TMPRSS15: variants seen among roughly 807,000 people sequenced by gnomAD.
TMPRSS15 encodes the protein transmembrane serine protease 15.
In TMPRSS15, 128 loss-of-function variants were observed where a neutral mutation model predicts 125.3. That is an observed-to-expected ratio of 1.02 (90% confidence interval 0.89 to 1.18). The LOEUF (loss-of-function observed/expected upper bound fraction) is 1.18, where lower values mean the gene tolerates loss of function less well. Ranked by LOEUF, TMPRSS15 falls within the 50% of genes most tolerant of loss-of-function variation. The pLI is 0.00. For missense variants in TMPRSS15, 1,283 were observed against 1,212.7 expected (o/e 1.06, Z -0.86); for synonymous variants, 446 against 423.2 (o/e 1.05, Z -0.66).
rs2074532669 is a variant in TMPRSS15 at position 18,269,870 on chromosome 21, G to A, written c.*99C>T. 3 of 1,470,408 alleles carry A rather than the reference G, an allele frequency of 2.0e-6. No individual in the cohort carries two copies. Among genetic ancestry groups the A allele is most frequent in the Middle Eastern group, 1.8e-4 (1 of 5,458 alleles). The allele number at this position is 1,470,408 out of a possible 1,614,324, so 91.1% of individuals were successfully genotyped here. A position where few individuals can be genotyped will look rare whatever the true frequency, so the allele number is the denominator to read the frequency against. On this transcript the variant is annotated 3_prime_UTR_variant, in exon 25 of 25. Transcript: ENST00000284885. Reference sequence around the variant, plus strand: ...ACATAGGTAAGAATAAAAACCTTTGGTAACTTTTTAAAATTTTTGTACGAA... The same window carrying A: ...ACATAGGTAAGAATAAAAACCTTTGATAACTTTTTAAAATTTTTGTACGAA...
intron 6 of TMPRSS15, among the ~76,000 whole-genome samples, chr21:18,365,528 C>A (rs931395707): frequency 6.9e-6 from 1 of 144,750 alleles, no homozygotes; most frequent in South Asian, 2.3e-4. Context: ...TCCCTCCCTC[C>A]CTCCCTTCCT....
chr21:18,378,941 T>C (rs1444815707), intron 5 of TMPRSS15, among the ~76,000 whole-genome samples: 1 of 151,910 alleles, frequency 6.6e-6, no homozygotes, highest in Admixed American at 6.6e-5. Flanking sequence ...GAGATAATAA[T>C]CAAAGGAAAA....
chr21:18,401,835 A>G (rs2076097075), intron 1 of TMPRSS15, among the ~76,000 whole-genome samples: 1 of 152,224 alleles, frequency 6.6e-6, no homozygotes, highest in African/African-American at 2.4e-5. Flanking sequence ...TCACTGTTAA[A>G]CAGTATTATC....
intron 1 of TMPRSS15, among the ~76,000 whole-genome samples, chr21:18,447,097 ATAAT>A (rs912381136): frequency 8.5e-5 from 13 of 152,134 alleles, no homozygotes; most frequent in African/African-American, 3.1e-4. Context: ...AAAATAACAA[ATAAT>A]TAATAATTAA....
chr21:18,387,816 T>C (rs1306280263), intron 3 of TMPRSS15, among the ~76,000 whole-genome samples: 1 of 152,102 alleles, frequency 6.6e-6, no homozygotes, highest in Non-Finnish European at 1.5e-5. Flanking sequence ...ATAACAAAAA[T>C]GTAAATAGGT....
intron 16 of TMPRSS15, among the ~76,000 whole-genome samples, chr21:18,322,079 T>C (rs1403305510): frequency 7.2e-5 from 11 of 152,188 alleles, no homozygotes. Flanking sequence ...ACCATAAAAT[T>C]GGTGTCTTTT....
chr21:18,372,269 C>G lies in TMPRSS15; in HGVS notation c.588G>C (p.Thr196=), dbSNP rs141311532. ...PGSSPCTDAL[T]CIKADLFCDG... ...CACAAAATAAATCAGCTTTTATACA[C>G]GTTAGAGCATCAGTACAAGGACTTG... The change falls in exon 6 of 25, where the codon ACG becomes ACC. Residue 196 remains threonine, a synonymous_variant. Coordinates refer to ENST00000284885, the MANE Select transcript of TMPRSS15 (RefSeq NM_002772.3). 38 of 1,613,076 alleles carry G rather than the reference C, an allele frequency of 2.4e-5. No individual in the cohort carries two copies. The Admixed American group carries it at 3.3e-4, about 14-fold the overall frequency.
Position 18,294,458 on chromosome 21 carries a change from T to G in TMPRSS15, c.2312-14A>C, listed in dbSNP as rs1306848030. ...TTTTTCCACAAGCTATTAAAATAAT[T>G]GGAGAAAGAGCATCTATTTCATTTT... is the stretch of plus-strand genomic sequence containing the variant. On this transcript the variant is annotated splice_polypyrimidine_tract_variant and intron_variant, in intron 20 of 24. Transcript: ENST00000284885. The G allele has an allele frequency of 1.9e-6, 3 of 1,614,166 alleles. No individual in the cohort carries two copies. Among genetic ancestry groups the G allele is most frequent in the Non-Finnish European group, 1.7e-6 (2 of 1,179,986 alleles).
At chr21:18,281,301 C>T (rs1397812792) in intron 21 of TMPRSS15, 80 bp from the exon 22 acceptor site, 1 of 1,188,514 alleles carries the variant, frequency 8.4e-7, no homozygotes, top group Non-Finnish European at 1.3e-6. Context: ...CATGACATTT[C>T]AGAATATGTT....
intron 1 of TMPRSS15, among the ~76,000 whole-genome samples, chr21:18,459,491 C>T (rs1373780518): frequency 6.6e-6 from 1 of 152,118 alleles, no homozygotes; most frequent in Non-Finnish European, 1.5e-5. Flanking sequence ...CCAGGCTAGT[C>T]TCGAACTCCT....
chr21:18,347,548 T>A (rs1159583525), intron 10 of TMPRSS15, among the ~76,000 whole-genome samples: 1 of 152,246 alleles, frequency 6.6e-6, no homozygotes, highest in South Asian at 2.1e-4. Flanking sequence ...ATTTTATTTA[T>A]GTTTATATGT....
chr21:18,315,367 A>T, intron 16 of TMPRSS15, 111 bp from the exon 17 acceptor site: 1 of 838,234 alleles, frequency 1.2e-6, no homozygotes, highest in South Asian at 1.5e-5. Flanking sequence ...CCACAGCTCA[A>T]GGTGGAACCA....
chr21:18,471,047 A>T lies in TMPRSS15; in HGVS notation c.10+14752T>A, dbSNP rs368819125. Among the ~76,000 whole-genome samples, 3 of 151,984 alleles carry T rather than the reference A, an allele frequency of 2.0e-5. No homozygotes were observed. The East Asian group carries it at 5.8e-4, about 29-fold the overall frequency. On this transcript the variant is annotated intron_variant, in intron 1 of 7. Coordinates refer to the TMPRSS15 transcript ENST00000422787. ...TGATAGTTGATATATGAAAGATGTC[A>T]CTGAAACACCATTTTATACTGTGAA...
At chr21:18,376,130 T>A (rs1363415787) in intron 5 of TMPRSS15, among the ~76,000 whole-genome samples, 1 of 152,188 alleles carries the variant, frequency 6.6e-6, no homozygotes, top group Admixed American at 6.5e-5. Context: ...CCAGTGTTAT[T>A]TCACTATGTT....
At chr21:18,310,552 T>C (rs2075090118) in intron 18 of TMPRSS15, among the ~76,000 whole-genome samples, 1 of 151,586 alleles carries the variant, frequency 6.6e-6, no homozygotes, top group African/African-American at 2.4e-5. Context: ...ATGAAAGAAA[T>C]TGAAAAGGAC....
intron 7 of TMPRSS15, among the ~76,000 whole-genome samples, chr21:18,360,223 C>T (rs574618883): frequency 3.9e-5 from 6 of 152,056 alleles, no homozygotes; most frequent in Non-Finnish European, 7.4e-5. Flanking sequence ...GCTTATTTCA[C>T]TTAGCATAAT....
chr21:18,308,788 G>A (rs919163016), intron 18 of TMPRSS15, among the ~76,000 whole-genome samples: 1 of 151,928 alleles, frequency 6.6e-6, no homozygotes, highest in Non-Finnish European at 1.5e-5. Context: ...TCCCCTCCTT[G>A]TGTCCATGTG....
chr21:18,388,413 G>A (rs1601425606), intron 3 of TMPRSS15, among the ~76,000 whole-genome samples: 3 of 152,218 alleles, frequency 2.0e-5, no homozygotes, highest in East Asian at 3.9e-4. Flanking sequence ...GATTTTGGTA[G>A]CCCACCAGGC....
chr21:18,328,899 C>A (rs2075318063), intron 15 of TMPRSS15, among the ~76,000 whole-genome samples: 1 of 152,038 alleles, frequency 6.6e-6, no homozygotes, highest in South Asian at 2.1e-4. Context: ...AATACACACA[C>A]CTACTATGTA....
Sources: allele counts gnomAD v4.1 joint callset (sites outside exome capture counted in the v4.1 genomes callset), GRCh38; gene constraint gnomAD v4.1.1; transcripts MANE v1.5; gene names NCBI Gene and HGNC (gene_info 2026-07-23, HGNC 2026-07-21).